DAP3: variants seen among roughly 807,000 people sequenced by gnomAD.
DAP3 encodes the protein death associated protein 3, also known as small ribosomal subunit protein mS29.
Under a neutral mutation model 51.9 loss-of-function variants are expected in DAP3, and 28 were observed. That is an observed-to-expected ratio of 0.54 (90% CI 0.40 to 0.74). The LOEUF is 0.74. DAP3 is among the 30% of genes least tolerant of loss of function. DAP3 has a pLI of 0.00. For missense variants in DAP3, 458 were observed against 483.5 expected (o/e 0.95, Z 0.49); for synonymous variants, 170 against 170.3 (o/e 1.00, Z 0.01).
intron 1 of DAP3, among the ~76,000 whole-genome samples, chr1:155,707,773 C>T (rs1298632749): frequency 6.6e-6 from 1 of 151,926 alleles, no homozygotes; most frequent in African/African-American, 2.4e-5. Context: ...ATTTATATCC[C>T]CCAAATAATT....
At chr1:155,708,484 G>A (rs760382119) in intron 1 of DAP3, among the ~76,000 whole-genome samples, 79 of 150,926 alleles carry the variant, frequency 5.2e-4, no homozygotes, top group South Asian at 8.4e-4. Flanking sequence ...GTAATGTTTC[G>A]CAGCCTATTT....
chr1:155,733,990 C>CA (rs879821600), intron 11 of DAP3, among the ~76,000 whole-genome samples: 2 of 151,528 alleles, frequency 1.3e-5, no homozygotes, highest in South Asian at 2.1e-4. Flanking sequence ...CCCATCTCTA[C>CA]AAAAAAAAAT....
At chr1:155,712,543 CAG>C (rs1378546285) in intron 2 of DAP3, among the ~76,000 whole-genome samples, 1 of 130,636 alleles carries the variant, frequency 7.7e-6, no homozygotes, top group Non-Finnish European at 1.5e-5. Context: ...ACCTGGGAGA[CAG>C]AGGTTGCAGT....
intron 1 of DAP3, among the ~76,000 whole-genome samples, chr1:155,694,229 T>A (rs968984593): frequency 7.1e-6 from 1 of 141,400 alleles, no homozygotes; most frequent in Admixed American, 6.6e-5. Context: ...GGAGGGGAAC[T>A]GATAACCCAT....
intron 3 of DAP3, among the ~76,000 whole-genome samples, chr1:155,720,947 G>A (rs1657924265): frequency 6.6e-6 from 1 of 151,956 alleles, no homozygotes; most frequent in Non-Finnish European, 1.5e-5. Flanking sequence ...TGAGGCAGGA[G>A]AATCTCTTGA....
At chr1:155,697,495 G>A (rs1470255253) in intron 1 of DAP3, among the ~76,000 whole-genome samples, 1 of 152,144 alleles carries the variant, frequency 6.6e-6, no homozygotes, top group East Asian at 1.9e-4. Context: ...CTCCGGGGGT[G>A]ACATCACATT....
chr1:155,724,406 C>T (rs886321727), intron 4 of DAP3, among the ~76,000 whole-genome samples: 3 of 151,082 alleles, frequency 2.0e-5, no homozygotes, highest in South Asian at 2.1e-4. Context: ...GAGGCTGAGA[C>T]GGGTGGATCA....
intron 3 of DAP3, among the ~76,000 whole-genome samples, chr1:155,720,998 T>C (rs895361304): frequency 1.2e-4 from 18 of 150,538 alleles, no homozygotes; most frequent in Non-Finnish European, 2.4e-4. Flanking sequence ...GATTACACCA[T>C]TGCACTCCAG....
rs1438742480 is a variant in DAP3, at chr1:155,702,107, G to C, written c.-7-7666G>C. Among the ~76,000 whole-genome samples, 2 of 117,250 alleles carry C rather than the reference G, an allele frequency of 1.7e-5. 1 individual carries two copies. The highest frequency in any genetic ancestry group is 5.7e-4 in the South Asian group (2 of 3,482). 76.9% of individuals were successfully genotyped at this position (117,250 alleles called of 152,430 possible). A position where few individuals can be genotyped will look rare whatever the true frequency, so the allele number is the denominator to read the frequency against. ...ATTCTGTACCTGGTTGATCATGCCT[G>C]TAAAAAAAAAAAAATTAAAAATTAA... On this transcript the variant is annotated intron_variant, in intron 1 of 12. Transcript: ENST00000368336.
intron 1 of DAP3, among the ~76,000 whole-genome samples, chr1:155,694,774 ATC>A (rs1654305502): frequency 6.6e-6 from 1 of 152,178 alleles, no homozygotes; most frequent in Admixed American, 6.5e-5. Context: ...CCCATGTTAT[ATC>A]TCTCTTTTTC....
chr1:155,731,491 C>A, intron 10 of DAP3, 76 bp downstream of exon 10: 4 of 1,437,876 alleles, frequency 2.8e-6, no homozygotes, highest in Non-Finnish European at 3.9e-6. Flanking sequence ...TATTTCATTG[C>A]TAATACTTTA....
chr1:155,730,232 T>TATATATGTATATATAATATTC (rs1659093059), intron 9 of DAP3, among the ~76,000 whole-genome samples: 6 of 148,876 alleles, frequency 4.0e-5, no homozygotes, highest in African/African-American at 1.5e-4. Context: ...TTCATATATG[T>TATATATGTATATATAATATTC]ATATATGTAT....
chr1:155,691,567 T>G (rs1276054843), intron 1 of DAP3, among the ~76,000 whole-genome samples: 1 of 142,052 alleles, frequency 7.0e-6, no homozygotes, highest in Non-Finnish European at 1.5e-5. Context: ...GTACAACTTT[T>G]GCATACACTT....
intron 11 of DAP3, chr1:155,732,271 C>T (rs1165512648): frequency 7.4e-6 from 2 of 269,692 alleles, no homozygotes; most frequent in African/African-American, 2.4e-5. Context: ...GCTCTGTCAA[C>T]CAGGCTTGAG....
chr1:155,700,174 A>T (rs1382433408), intron 1 of DAP3, among the ~76,000 whole-genome samples: 1 of 151,864 alleles, frequency 6.6e-6, no homozygotes, highest in Non-Finnish European at 1.5e-5. Flanking sequence ...TGACTTCATG[A>T]TCTGCCCGCC....
intron 1 of DAP3, among the ~76,000 whole-genome samples, chr1:155,701,255 A>C (rs1655242034): frequency 1.2e-5 from 1 of 82,302 alleles, no homozygotes; most frequent in Non-Finnish European, 2.1e-5. Flanking sequence ...AGGTGGGGAA[A>C]AGATTGAGAA....
chr1:155,731,394 G>A lies in DAP3; in HGVS notation c.882G>A (p.Arg294=), dbSNP rs137992488. The A allele has an allele frequency of 1.2e-6, 2 of 1,614,030 alleles. No individual in the cohort carries two copies. ...PEELALVHNL[R]KMMKNDWHGG... is the part of the protein sequence containing the mutation. ...AATTAGCACTTGTTCACAACTTGAGGAAAATGATGAAAAATGATTGGGTAA... is the reference window on the plus strand; with the variant it reads ...AATTAGCACTTGTTCACAACTTGAGAAAAATGATGAAAAATGATTGGGTAA... The change falls in exon 10 of 13, where the codon AGG becomes AGA. Residue 294 remains arginine, a synonymous_variant. Transcript: ENST00000368336.
At chr1:155,733,078 T>C (rs1457459982) in intron 11 of DAP3, among the ~76,000 whole-genome samples, 1 of 152,360 alleles carries the variant, frequency 6.6e-6, no homozygotes, top group South Asian at 2.1e-4. Context: ...TGTGACAGTC[T>C]GTCAGTCTTT....
At position 155,729,380 on chromosome 1, in the gene DAP3, G is replaced by A. The variant is rs1288696047; in HGVS notation, c.843+14G>A. The A allele has an allele frequency of 5.0e-6, 8 of 1,612,746 alleles. No individual in the cohort carries two copies. Among genetic ancestry groups the A allele is most frequent in the Non-Finnish European group, 6.8e-6 (8 of 1,179,502 alleles). On this transcript the variant is annotated intron_variant, in intron 9 of 12. Transcript: ENST00000368336. ...GATAAAAGCCCGGTAGGAAAACTGG[G>A]TGTCTCTATCTTGTTTCTCTGATTT...
Sources: gnomAD v4.1 joint callset for allele counts (sites outside exome capture counted in the v4.1 genomes callset) on GRCh38, gnomAD v4.1.1 for gene constraint, MANE v1.5 for transcripts, NCBI Gene and HGNC (gene_info 2026-07-23, HGNC 2026-07-21) for gene names.